AP4M1: variants seen among roughly 807,000 people sequenced by gnomAD.
AP4M1 encodes the protein AP-4 complex subunit mu-1.
In AP4M1, 58 loss-of-function variants were observed where a neutral mutation model predicts 62.4. That is an observed-to-expected ratio of 0.93 (90% CI 0.75 to 1.16). The LOEUF (loss-of-function observed/expected upper bound fraction) is 1.16, where lower values mean the gene tolerates loss of function less well. Among genes scored for constraint, AP4M1 ranks in the 50% most tolerant of loss-of-function variants. The pLI is 0.00. For synonymous variants in AP4M1, 290 were observed against 239.7 expected, an observed-to-expected ratio of 1.21 and a Z score of -1.94; for missense variants, 626 against 585.4, an observed-to-expected ratio of 1.07 and a Z score of -0.72.
At chr7:100,106,055 G>A (rs1796446532) in intron 12 of AP4M1, 52 bp downstream of exon 12, 2 of 1,603,776 alleles carry the variant, frequency 1.2e-6, no homozygotes, top group African/African-American at 2.7e-5. Context: ...CGGAAGACAG[G>A]GCCAGGGCAC....
Position 100,106,758 on chromosome 7 carries a change from G to C in AP4M1, c.1238G>C (p.Arg413Pro), listed in dbSNP as rs757999633. 3 of 1,614,014 alleles carry C rather than the reference G, an allele frequency of 1.9e-6. No individual in the cohort carries two copies. The highest frequency in any genetic ancestry group is 1.7e-5 in the Admixed American group (1 of 60,014). Residue 413 changes from arginine to proline, a missense_variant, in exon 15 of 15, where the codon CGG (arginine) becomes CCG (proline). Coordinates refer to ENST00000359593, the MANE Select transcript of AP4M1 (RefSeq NM_004722.4). ...GCCAGTCTCTCCTTCGAGCTTCCCC[G>C]GCACACGTGCTCTGGCCTCCAGGTC... is the stretch of plus-strand genomic sequence containing the variant. ...GPASLSFELP[R>P]HTCSGLQVRF...
At chr7:100,100,829 C>A, upstream of AP4M1, 1 of 1,005,034 alleles carries the variant, frequency 9.9e-7, no homozygotes, top group South Asian at 4.2e-5. Context: ...ACGGCCAATC[C>A]CGGCGCGCAG....
At position 100,106,256 on chromosome 7, in the gene AP4M1, C is replaced by G. The variant is rs371813095; in HGVS notation, c.990C>G (p.Val330=). 2.7e-5 allele frequency: 44 copies of G among 1,614,036 alleles called. No homozygotes were observed. The Admixed American group carries it at 7.3e-4, about 27-fold the overall frequency. The change falls in exon 13 of 15, where the codon GTC becomes GTG. Residue 330 remains valine (V), a synonymous_variant. Transcript: ENST00000359593. ...DLLSKSQALN[V]RLHLPLPRGV... ...TCCTCTGTAGCCAAGCCCTCAATGT[C>G]AGGCTGCACCTCCCCCTGCCTCGAG... is the stretch of plus-strand genomic sequence containing the variant.
chr7:100,105,758 G>A (rs528753888), intron 11 of AP4M1, among the ~76,000 whole-genome samples: 1 of 151,404 alleles, frequency 6.6e-6, no homozygotes, highest in Non-Finnish European at 1.5e-5. Context: ...ACCAGCCTGG[G>A]CAACATAGTG....
chr7:100,101,531 C>T, upstream of AP4M1: 1 of 789,570 alleles, frequency 1.3e-6, no homozygotes, highest in Non-Finnish European at 2.1e-6. Context: ...GGAGGCGGTG[C>T]GGGCGTCGGA....
At chr7:100,101,810 G>GCGC (rs1562903769) in intron 1 of AP4M1, 38 bp downstream of exon 1, 1 of 1,573,798 alleles carries the variant, frequency 6.4e-7, no homozygotes, top group East Asian at 2.2e-5. Flanking sequence ...GGGCGGAGGG[G>GCGC]CCGGGCGGGA....
At chr7:100,104,713 C>T (rs929121892) in intron 7 of AP4M1, among the ~76,000 whole-genome samples, 161 bp from the exon 8 acceptor site, 13 of 152,116 alleles carry the variant, frequency 8.5e-5, no homozygotes, top group Non-Finnish European at 1.5e-4. Flanking sequence ...CATCTGTAAC[C>T]CTAGCTACTT....
chr7:100,105,827 TG>T, intron 11 of AP4M1, 131 bp from the exon 12 acceptor site: 1 of 1,125,590 alleles, frequency 8.9e-7, no homozygotes, highest in Non-Finnish European at 1.4e-6. Flanking sequence ...GGAGTTGGGC[TG>T]GGCTTCAGCC....
chr7:100,103,751 A>G (rs1224754868), intron 6 of AP4M1, 59 bp downstream of exon 6: 1 of 1,576,770 alleles, frequency 6.3e-7, no homozygotes, highest in Non-Finnish European at 8.6e-7. Flanking sequence ...CCGGGAGTCC[A>G]AGATCTTAGG....
rs771302893 is a variant in AP4M1, at chr7:100,107,353, G to T, written c.*471G>T. The T allele has an allele frequency of 6.4e-7, 1 of 1,560,042 alleles. No homozygotes were observed. Among genetic ancestry groups the T allele is most frequent in the Non-Finnish European group, 8.7e-7 (1 of 1,151,364 alleles). On this transcript the variant is annotated 3_prime_UTR_variant, in exon 15 of 15. Transcript: ENST00000359593. Reference sequence around the variant, plus strand: ...CCAGCCTCCTGCTTCCCCCCACAAAGGGCACTGCCGCTGAGTGGGGACGGG... The same window carrying T: ...CCAGCCTCCTGCTTCCCCCCACAAATGGCACTGCCGCTGAGTGGGGACGGG...
chr7:100,101,078 T>C, upstream of AP4M1: 2 of 749,760 alleles, frequency 2.7e-6, no homozygotes, highest in East Asian at 2.7e-5. Context: ...TTCTTCAACA[T>C]CGATGGCCCC....
chr7:100,104,371 C>T (rs927515465), intron 7 of AP4M1, among the ~76,000 whole-genome samples: 2 of 151,080 alleles, frequency 1.3e-5, no homozygotes, highest in Admixed American at 6.7e-5. Flanking sequence ...TACAAATAAA[C>T]AAATTACCCA....
intron 2 of AP4M1, chr7:100,102,343 ATCCGGACACCGCAC>A (rs1445578397): frequency 6.0e-6 from 3 of 503,888 alleles, no homozygotes; most frequent in Non-Finnish European, 1.1e-5. Context: ...GTGAGCCGAG[ATCCGGACACCGCAC>A]TCCAGCCTGG....
At chr7:100,101,165 C>T, upstream of AP4M1, 1 of 1,503,014 alleles carries the variant, frequency 6.7e-7, no homozygotes, top group Non-Finnish European at 9.2e-7. Context: ...CACCCCAGAA[C>T]CCGCCGACCC....
chr7:100,101,209 T>TGTTCCCCGGGAG, upstream of AP4M1: 1 of 1,606,616 alleles, frequency 6.2e-7, no homozygotes, highest in Non-Finnish European at 8.5e-7. Context: ...CACCAACAGG[T>TGTTCCCCGGGAG]GTTCCCCGGG....
chr7:100,105,710 G>T (rs1487535837), intron 11 of AP4M1, among the ~76,000 whole-genome samples, 171 bp downstream of exon 11: 1 of 152,088 alleles, frequency 6.6e-6, no homozygotes, highest in Non-Finnish European at 1.5e-5. Flanking sequence ...ACTTTGGGAG[G>T]CTGAGGCGGG....
chr7:100,103,137 T>C, intron 4 of AP4M1, 177 bp downstream of exon 4: 1 of 674,136 alleles, frequency 1.5e-6, no homozygotes, highest in Non-Finnish European at 2.6e-6. Context: ...AGTGGTGCAG[T>C]TATAGCTCAC....
rs764352275 is a variant in AP4M1 at position 100,106,462 on chromosome 7, G to A, written c.1085G>A (p.Arg362His). ...QKAELAEGAL[R>H]WDLPRVQGGS... ...GCTGAGCTGGCAGAGGGAGCCCTTC[G>A]CTGGGACCTGCCTCGGGTGCAAGGA... Residue 362 changes from arginine (R) to histidine (H), a missense_variant, in exon 14 of 15, where the codon CGC becomes CAC. Transcript: ENST00000359593. 2.2e-5 allele frequency: 35 copies of A among 1,613,694 alleles called. No individual in the cohort carries two copies. Among genetic ancestry groups the A allele is most frequent in the Middle Eastern group, 3.3e-4 (2 of 6,084 alleles).
intron 7 of AP4M1, 119 bp from the exon 8 acceptor site, chr7:100,104,755 T>C: frequency 5.6e-6 from 6 of 1,072,662 alleles, no homozygotes; most frequent in Middle Eastern, 2.7e-4. Flanking sequence ...GTCTTGAACC[T>C]GGGAGGTGGA....
Sources: allele counts gnomAD v4.1 joint callset (sites outside exome capture counted in the v4.1 genomes callset), GRCh38; gene constraint gnomAD v4.1.1; transcripts MANE v1.5; gene names NCBI Gene and HGNC (gene_info 2026-07-23, HGNC 2026-07-21).